Variants in TPO observed in about 807,000 individuals in gnomAD.
TPO encodes thyroid microsomal antigen.
Under a neutral mutation model 96.9 loss-of-function variants are expected in TPO, and 78 were observed. The ratio of observed to expected loss-of-function variants is 0.81; its 90% CI spans 0.67 to 0.97. TPO has a LOEUF of 0.97. TPO is among the 50% of genes least tolerant of loss of function. The pLI, the probability that TPO is intolerant of heterozygous loss-of-function variation, is 0.00. For missense variants in TPO, 1,252 were observed against 1,274.8 expected, an observed-to-expected ratio of 0.98 and a Z score of 0.27; for synonymous variants, 547 against 538.0, an observed-to-expected ratio of 1.02 and a Z score of -0.23.
At chr2:1,501,236 C>T (rs1376422812) in intron 13 of TPO, among the ~76,000 whole-genome samples, 4 of 152,250 alleles carry the variant, frequency 2.6e-5, no homozygotes, top group Non-Finnish European at 5.9e-5. Context: ...CAGCCATCTG[C>T]GCACTCACTG....
chr2:1,537,828 AC>A (rs1680184176), intron 15 of TPO, among the ~76,000 whole-genome samples: 1 of 53,076 alleles, frequency 1.9e-5, no homozygotes, highest in African/African-American at 7.9e-5. Flanking sequence ...ACTGTGAGCA[AC>A]CTCCTCAAAT....
chr2:1,481,625 G>C (rs867848530), intron 8 of TPO, among the ~76,000 whole-genome samples: 63 of 152,318 alleles, frequency 4.1e-4, no homozygotes, highest in Non-Finnish European at 6.3e-4. Flanking sequence ...GGGCCACTCG[G>C]CTGCTGACCT....
At chr2:1,437,236 G>A (rs538964921) in intron 5 of TPO, among the ~76,000 whole-genome samples, 7 of 152,232 alleles carry the variant, frequency 4.6e-5, no homozygotes, top group Non-Finnish European at 8.8e-5. Context: ...GAGGGGCAGA[G>A]GGAGAGCAGC....
intron 7 of TPO, among the ~76,000 whole-genome samples, chr2:1,465,612 A>G (rs1032131716): frequency 1.5e-4 from 23 of 151,732 alleles, no homozygotes; most frequent in African/African-American, 5.3e-4. Flanking sequence ...GAGGTCTTTC[A>G]TCTCCTTGGT....
intron 8 of TPO, among the ~76,000 whole-genome samples, chr2:1,479,628 T>C (rs1670343607): frequency 6.6e-6 from 1 of 152,202 alleles, no homozygotes; most frequent in Admixed American, 6.5e-5. Context: ...CGTGAATTAT[T>C]ACCAGGCCCA....
chr2:1,530,017 C>T (rs1677701556), intron 15 of TPO, among the ~76,000 whole-genome samples: 2 of 141,332 alleles, frequency 1.4e-5, no homozygotes, highest in African/African-American at 2.7e-5. Flanking sequence ...ACACTGTGTG[C>T]AACCTCCCCA....
At chr2:1,444,366 A>G (rs1228616324) in intron 5 of TPO, among the ~76,000 whole-genome samples, 1 of 151,544 alleles carries the variant, frequency 6.6e-6, no homozygotes, top group Non-Finnish European at 1.5e-5. Context: ...TTGGAAGGGA[A>G]TGGAGCTGGC....
intron 6 of TPO, among the ~76,000 whole-genome samples, chr2:1,455,780 C>T (rs779837184): frequency 1.1e-4 from 16 of 152,196 alleles, no homozygotes; most frequent in Non-Finnish European, 2.2e-4. Flanking sequence ...TTAATCCCCA[C>T]AACAACACTG....
chr2:1,458,336 A>T (rs1668075835), intron 7 of TPO, among the ~76,000 whole-genome samples: 1 of 151,844 alleles, frequency 6.6e-6, no homozygotes, highest in Non-Finnish European at 1.5e-5. Context: ...ATATGCGGAC[A>T]TGTGTGTATA....
In TPO at chr2:1,543,469, T is replaced by G. The variant is rs943056157; in HGVS notation, c.*995T>G. ...TGACAACAGTGGCACAGGAGGGCTATGAACATTTTGCTTCAGGATGTTTTA... is the reference window on the plus strand; with the variant it reads ...TGACAACAGTGGCACAGGAGGGCTAGGAACATTTTGCTTCAGGATGTTTTA... On this transcript the variant is annotated 3_prime_UTR_variant, in exon 17 of 17. Transcript: ENST00000329066. 6.6e-6 allele frequency: 1 copy of G among 152,212 alleles called. No individual in the cohort carries two copies. Among genetic ancestry groups the G allele is most frequent in the African/African-American group, 2.4e-5 (1 of 41,458 alleles). The allele number at this position is 152,212 out of a possible 1,614,324, so 9.4% of individuals were successfully genotyped here.
intron 1 of TPO, among the ~76,000 whole-genome samples, chr2:1,374,725 CT>C (rs11292664): frequency 0.14 from 18,495 of 136,620 alleles, 2,574 homozygotes; most frequent in African/African-American, 0.35. Context: ...TTCTTTCTTT[CT>C]TTTTTTTTTT....
chr2:1,457,789 G>A (rs374005317), intron 7 of TPO, among the ~76,000 whole-genome samples: 13 of 152,200 alleles, frequency 8.5e-5, no homozygotes, highest in South Asian at 2.1e-4. Flanking sequence ...AGGTGGGCTC[G>A]TGTGTATATA....
At chr2:1,503,167 A>T (rs1164451692) in intron 13 of TPO, among the ~76,000 whole-genome samples, 1 of 152,126 alleles carries the variant, frequency 6.6e-6, no homozygotes, top group East Asian at 1.9e-4. Flanking sequence ...TGTCGTCAGC[A>T]CCAGGGCCCC....
chr2:1,422,096 G>C (rs1663611313), intron 2 of TPO, among the ~76,000 whole-genome samples: 1 of 152,190 alleles, frequency 6.6e-6, no homozygotes, highest in Non-Finnish European at 1.5e-5. Flanking sequence ...TTAACCACTG[G>C]TTACTCATCC....
At chr2:1,458,376 T>C (rs1247200745) in intron 7 of TPO, among the ~76,000 whole-genome samples, 1 of 151,868 alleles carries the variant, frequency 6.6e-6, no homozygotes, top group Non-Finnish European at 1.5e-5. Context: ...TGGGCACATG[T>C]GTATATGGCA....
chr2:1,511,166 A>G (rs1331288582), intron 14 of TPO, among the ~76,000 whole-genome samples: 1 of 151,982 alleles, frequency 6.6e-6, no homozygotes, highest in Non-Finnish European at 1.5e-5. Flanking sequence ...GGGGTGCCAC[A>G]GCACAGCCCT....
At chr2:1,520,843 T>C (rs1675183273) in intron 15 of TPO, among the ~76,000 whole-genome samples, 1 of 152,236 alleles carries the variant, frequency 6.6e-6, no homozygotes, top group African/African-American at 2.4e-5. Flanking sequence ...TTCCTTTGTG[T>C]TATGATTTCT....
chr2:1,378,888 G>A (rs573045533), intron 1 of TPO, among the ~76,000 whole-genome samples: 35 of 150,642 alleles, frequency 2.3e-4, no homozygotes, highest in Admixed American at 9.2e-4. Context: ...GAAACTAGGC[G>A]GAAGTTGTTC....
At chr2:1,436,890 G>A (rs1665629121) in intron 5 of TPO, among the ~76,000 whole-genome samples, 1 of 152,180 alleles carries the variant, frequency 6.6e-6, no homozygotes, top group South Asian at 2.1e-4. Flanking sequence ...CACGCTCCCT[G>A]TTATGGCCAA....
Sources: allele counts gnomAD v4.1 joint callset (sites outside exome capture counted in the v4.1 genomes callset), GRCh38; gene constraint gnomAD v4.1.1; transcripts MANE v1.5; gene names NCBI Gene and HGNC (gene_info 2026-07-23, HGNC 2026-07-21).